The following USP43 variants were observed in gnomAD, a reference collection of about 807,000 sequenced individuals.
The protein encoded by USP43 is ubiquitin carboxyl-terminal hydrolase 43.
USP43 carries 33 observed loss-of-function variants against 90.7 expected under a neutral mutation model. That is an observed-to-expected ratio of 0.36 (90% CI 0.28 to 0.49). The LOEUF is 0.49. Ranked by LOEUF, USP43 falls within the 20% of genes least tolerant of loss-of-function variation. The pLI is 0.98. For synonymous variants in USP43, 598 were observed against 615.8 expected, an observed-to-expected ratio of 0.97 and a Z score of 0.43; for missense variants, 1,274 against 1,476.4, an observed-to-expected ratio of 0.86 and a Z score of 2.25.
intron 2 of USP43, among the ~76,000 whole-genome samples, chr17:9,664,760 C>T (rs1361698070): frequency 6.6e-6 from 1 of 151,810 alleles, no homozygotes; most frequent in Non-Finnish European, 1.5e-5. Flanking sequence ...GCCTCAGCCT[C>T]CCGAGTAGCC....
intron 6 of USP43, among the ~76,000 whole-genome samples, chr17:9,682,518 C>T (rs1458409241): frequency 6.6e-6 from 1 of 152,182 alleles, no homozygotes; most frequent in East Asian, 1.9e-4. Flanking sequence ...TGCAGTGAGC[C>T]AAGATTGTGC....
intron 6 of USP43, among the ~76,000 whole-genome samples, chr17:9,681,752 C>T (rs576248327): frequency 1.2e-4 from 18 of 151,812 alleles, no homozygotes; most frequent in South Asian, 2.1e-4. Flanking sequence ...CCTCAGCCTC[C>T]GAAAGTCCTG....
At chr17:9,685,376 G>C (rs1399242107) in intron 7 of USP43, among the ~76,000 whole-genome samples, 1 of 152,204 alleles carries the variant, frequency 6.6e-6, no homozygotes, top group African/African-American at 2.4e-5. Flanking sequence ...CGCTTACTAT[G>C]TTGGGACATG....
chr17:9,645,439 G>C (rs995976714), upstream of USP43: 1 of 375,960 alleles, frequency 2.7e-6, no homozygotes, highest in Non-Finnish European at 4.2e-6. The surrounding 1 kb of genome is among the most constrained non-coding windows in gnomAD (Gnocchi z 6.8). Context: ...CTGCCCTGGA[G>C]GGGGCTGGTC....
intron 3 of USP43, among the ~76,000 whole-genome samples, chr17:9,672,987 T>C (rs138039752): frequency 2.2e-3 from 337 of 152,360 alleles, no homozygotes; most frequent in Non-Finnish European, 2.1e-3. Flanking sequence ...CCTGTTCTGA[T>C]ACCAACTTTG....
chr17:9,684,188 G>T (rs868309099), intron 7 of USP43, among the ~76,000 whole-genome samples: 3 of 151,988 alleles, frequency 2.0e-5, no homozygotes, highest in Middle Eastern at 3.4e-3. Flanking sequence ...GACAACATGG[G>T]AGAATATTTA....
chr17:9,662,280 C>T (rs1250665781), intron 2 of USP43, among the ~76,000 whole-genome samples: 2 of 152,068 alleles, frequency 1.3e-5, no homozygotes, highest in African/African-American at 4.8e-5. Context: ...GGAGTGGATA[C>T]GGGGCAGTCA....
At chr17:9,647,328 T>C (rs916914036) in intron 1 of USP43, among the ~76,000 whole-genome samples, 1 of 152,086 alleles carries the variant, frequency 6.6e-6, no homozygotes, top group African/African-American at 2.4e-5. Context: ...AGCCAGTGGG[T>C]CAAATGGTTG....
chr17:9,668,601 C>T (rs1050830405), intron 3 of USP43, among the ~76,000 whole-genome samples: 2 of 152,190 alleles, frequency 1.3e-5, no homozygotes, highest in African/African-American at 4.8e-5. Context: ...CCTGAAGAAA[C>T]AGCCGGGATG....
At chr17:9,708,753 A>G (rs1192482637) in intron 12 of USP43, among the ~76,000 whole-genome samples, 1 of 152,040 alleles carries the variant, frequency 6.6e-6, no homozygotes, top group African/African-American at 2.4e-5. Context: ...TCAGCCTCCC[A>G]AGTAGCTGGG....
chr17:9,728,295 C>T lies in USP43; in HGVS notation c.2677C>T (p.Pro893Ser), dbSNP rs753459702. 17 of 1,612,894 alleles carry T rather than the reference C, an allele frequency of 1.1e-5. No homozygotes were observed. The highest frequency in any genetic ancestry group is 1.4e-5 in the Non-Finnish European group (17 of 1,179,564). ...IERGPAGVPC[P>S]SAQPNHCLAP... is the part of the protein sequence containing the mutation. Reference sequence around the variant, plus strand: ...AAGAGGTCCAGCCGGGGTGCCCTGTCCCTCGGCTCAACCCAACCACTGTCT... The same window carrying T: ...AAGAGGTCCAGCCGGGGTGCCCTGTTCCTCGGCTCAACCCAACCACTGTCT... The change falls in exon 15 of 15, where the codon CCC (proline) becomes TCC (serine). Residue 893 changes from proline (P) to serine (S), a missense_variant. By Grantham distance (74) the Pro-to-Ser change is moderately conservative. Coordinates refer to ENST00000285199, the MANE Select transcript of USP43 (RefSeq NM_153210.5). The surrounding 1 kb of genome is among the most constrained non-coding windows in gnomAD (Gnocchi z 6.2).
rs560811360 is a variant in USP43, at chr17:9,667,670, A to G, written c.740+919A>G. On this transcript the variant is annotated intron_variant, in intron 3 of 14. Coordinates refer to ENST00000285199, the MANE Select transcript of USP43 (RefSeq NM_153210.5). The stretch of plus-strand genomic sequence containing the variant: ...AATGGGTAGGAAGATAGTCAACAGG[A>G]ACAAATGCAAGCTTAAAGGTGGGAA... Among the ~76,000 whole-genome samples the G allele has an allele frequency of 6.6e-5, 10 of 152,278 alleles. No homozygotes were observed. In the East Asian group the frequency reaches 1.5e-3, roughly 23 times the overall value.
At chr17:9,689,070 A>G (rs1051151014) in intron 8 of USP43, among the ~76,000 whole-genome samples, 4 of 152,156 alleles carry the variant, frequency 2.6e-5, no homozygotes, top group African/African-American at 9.7e-5. Flanking sequence ...TCAGCCACAG[A>G]TGCTTTTTCA....
At chr17:9,672,426 G>T (rs928645910) in intron 3 of USP43, among the ~76,000 whole-genome samples, 2 of 152,136 alleles carry the variant, frequency 1.3e-5, no homozygotes, top group Admixed American at 6.5e-5. Flanking sequence ...TTAATATGTC[G>T]CAATGCTTCA....
In USP43 at chr17:9,711,812, C is replaced by G. The variant is rs185850263; in HGVS notation, c.2171-156C>G. Among the ~76,000 whole-genome samples the G allele has an allele frequency of 1.7e-3, 255 of 152,324 alleles. 1 individual carries two copies. The highest frequency in any genetic ancestry group is 5.8e-3 in the African/African-American group (241 of 41,570). ...TGGGAAACCCGATCACAGGTTTCCC[C>G]TCTCCTTGTTGACAGGTTTCTGCAG... On this transcript the variant is annotated intron_variant, in intron 13 of 14. Coordinates refer to ENST00000285199, the MANE Select transcript of USP43 (RefSeq NM_153210.5).
At chr17:9,706,748 A>G (rs1915906086) in intron 12 of USP43, among the ~76,000 whole-genome samples, 1 of 137,348 alleles carries the variant, frequency 7.3e-6, no homozygotes. Context: ...GGTTCTAGTG[A>G]TTCTCCTGCC....
chr17:9,649,323 G>T (rs954819347), intron 1 of USP43, among the ~76,000 whole-genome samples: 1 of 151,944 alleles, frequency 6.6e-6, no homozygotes, highest in Non-Finnish European at 1.5e-5. Flanking sequence ...AGAAAGAAAA[G>T]TCCTGTCCGT....
Position 9,674,671 on chromosome 17 carries a change from G to T in USP43, c.741-220G>T, listed in dbSNP as rs1224160501. ...TCATATTCTGTTTACCCATTTGTCTGTTGATGGACGGTTGGGTTGTTCCCA... is the reference window on the plus strand; with the variant it reads ...TCATATTCTGTTTACCCATTTGTCTTTTGATGGACGGTTGGGTTGTTCCCA... On this transcript the variant is annotated intron_variant, in intron 3 of 14. Transcript: ENST00000285199. The surrounding 1 kb of genome is among the most constrained non-coding windows in gnomAD (Gnocchi z 4.4). Among the ~76,000 whole-genome samples, 1 of 152,186 alleles carries T rather than the reference G, an allele frequency of 6.6e-6. No individual in the cohort carries two copies. Among genetic ancestry groups the T allele is most frequent in the African/African-American group, 2.4e-5 (1 of 41,428 alleles).
At chr17:9,655,208 C>A (rs1252178364) in intron 1 of USP43, among the ~76,000 whole-genome samples, 1 of 151,526 alleles carries the variant, frequency 6.6e-6, no homozygotes, top group Non-Finnish European at 1.5e-5. Flanking sequence ...AGAGAACAGA[C>A]CTGTGTGGGA....
Sources: allele counts gnomAD v4.1 joint callset (sites outside exome capture counted in the v4.1 genomes callset), GRCh38; gene constraint gnomAD v4.1.1; non-coding constraint Gnocchi (gnomAD v3.1); transcripts MANE v1.5; gene names NCBI Gene and HGNC (gene_info 2026-07-23, HGNC 2026-07-21).